The following CCDC91 variants were observed in gnomAD, a reference collection of about 807,000 sequenced individuals.
CCDC91 encodes the protein coiled-coil domain containing 91.
In CCDC91, 48 loss-of-function variants were observed where a neutral mutation model predicts 63.2. The ratio of observed to expected loss-of-function variants is 0.76; its 90% CI spans 0.60 to 0.97. The LOEUF is 0.97. CCDC91 is among the 50% of genes least tolerant of loss of function. CCDC91 has a pLI of 0.00. For missense variants in CCDC91, 500 were observed against 494.6 expected (o/e 1.01, Z -0.10); for synonymous variants, 167 against 165.8 (o/e 1.01, Z -0.06).
At chr12:28,417,203 A>T (rs938889662) in intron 8 of CCDC91, among the ~76,000 whole-genome samples, 1 of 151,632 alleles carries the variant, frequency 6.6e-6, no homozygotes, top group Admixed American at 6.6e-5. Context: ...TTAATTTTTA[A>T]TTTTTTTGCT....
intron 8 of CCDC91, among the ~76,000 whole-genome samples, chr12:28,435,325 G>C (rs1403100732): frequency 6.6e-6 from 1 of 151,318 alleles, no homozygotes; most frequent in African/African-American, 2.4e-5. Context: ...TTTTAGTTCA[G>C]AGTGTTTTTA....
At chr12:28,242,331 C>T (rs797015546) in intron 1 of CCDC91, among the ~76,000 whole-genome samples, 23 of 152,226 alleles carry the variant, frequency 1.5e-4, no homozygotes, top group African/African-American at 5.3e-4. Context: ...TGGCGCTTGC[C>T]TGACTTGTGT....
At chr12:28,534,299 T>A (rs1366555004) in intron 12 of CCDC91, among the ~76,000 whole-genome samples, 1 of 152,214 alleles carries the variant, frequency 6.6e-6, no homozygotes, top group Non-Finnish European at 1.5e-5. Context: ...CACAGTGAAA[T>A]GAAGGAAGGA....
intron 12 of CCDC91, among the ~76,000 whole-genome samples, chr12:28,509,677 A>G (rs1415476146): frequency 6.6e-6 from 1 of 151,940 alleles, no homozygotes; most frequent in African/African-American, 2.4e-5. Flanking sequence ...ACACTGTATT[A>G]AAAGATATGT....
chr12:28,427,645 A>G (rs1182541261), intron 8 of CCDC91, among the ~76,000 whole-genome samples: 1 of 152,138 alleles, frequency 6.6e-6, no homozygotes, highest in Non-Finnish European at 1.5e-5. Context: ...CTGTGGATAA[A>G]CAGATTTTGG....
rs558951313 is a variant in CCDC91, at chr12:28,193,785, T to C, written c.-15+3144T>C. ...AGTGAAAACCCATTTATGTTTTAAT[T>C]TGAATTTTTCTTCTAACATATTGAG... On this transcript the variant is annotated intron_variant, in intron 1 of 12. Coordinates refer to ENST00000536442, the MANE Select transcript of CCDC91 (RefSeq NM_018318.5). Among the ~76,000 whole-genome samples the C allele has an allele frequency of 2.6e-5, 4 of 152,350 alleles. No individual in the cohort carries two copies. The South Asian group carries it at 8.3e-4, about 32-fold the overall frequency.
At chr12:28,371,939 T>C (rs1944649650) in intron 7 of CCDC91, among the ~76,000 whole-genome samples, 2 of 152,214 alleles carry the variant, frequency 1.3e-5, no homozygotes, top group African/African-American at 4.8e-5. Flanking sequence ...TCCTTTAGTA[T>C]TTATTTTCTT....
chr12:28,335,269 A>T lies in CCDC91; in HGVS notation c.577-27169A>T, dbSNP rs866774632. On this transcript the variant is annotated intron_variant, in intron 6 of 12. Coordinates refer to ENST00000536442, the MANE Select transcript of CCDC91 (RefSeq NM_018318.5). ...ATAATATATAATACATATAATATAT[A>T]ATATATAATACATATTATATATAAT... Among the ~76,000 whole-genome samples the T allele has an allele frequency of 2.2e-4, 30 of 137,950 alleles. 1 individual carries two copies. Among genetic ancestry groups the T allele is most frequent in the Middle Eastern group, 3.7e-3 (1 of 268 alleles). 90.5% of individuals were successfully genotyped at this position (137,950 alleles called of 152,430 possible).
intron 6 of CCDC91, among the ~76,000 whole-genome samples, chr12:28,356,439 T>C (rs1191905270): frequency 6.6e-6 from 1 of 152,162 alleles, no homozygotes; most frequent in Non-Finnish European, 1.5e-5. Context: ...TTTTTCAGAT[T>C]TTGGGAGGGG....
At chr12:28,458,809 T>A (rs545988189) in intron 11 of CCDC91, among the ~76,000 whole-genome samples, 1 of 152,140 alleles carries the variant, frequency 6.6e-6, no homozygotes, top group African/African-American at 2.4e-5. Flanking sequence ...AAACCTGTTA[T>A]CTTTGTCTCA....
chr12:28,375,911 G>A (rs1469881883), intron 7 of CCDC91, among the ~76,000 whole-genome samples: 1 of 151,822 alleles, frequency 6.6e-6, no homozygotes, highest in Non-Finnish European at 1.5e-5. Context: ...ATGAGGAACT[G>A]TATTAGCATG....
chr12:28,408,941 C>T (rs761213025), intron 8 of CCDC91, among the ~76,000 whole-genome samples: 126 of 152,244 alleles, frequency 8.3e-4, no homozygotes, highest in African/African-American at 3.0e-3. Flanking sequence ...CCATGCCTGA[C>T]TTTAATCTTA....
Position 28,326,272 on chromosome 12 carries a change from G to A in CCDC91, c.576+18523G>A, listed in dbSNP as rs183262610. 3.0e-3 allele frequency among the ~76,000 whole-genome samples: 449 copies of A among 152,058 alleles called. 2 individuals carry two copies. Among genetic ancestry groups the A allele is most frequent in the African/African-American group, 9.2e-3 (383 of 41,496 alleles). ...GGCTCAAACTACGGTTCGTTTTTGA[G>A]CAAGACTAAATTTTTTGGACCATTT... On this transcript the variant is annotated intron_variant, in intron 6 of 12. Coordinates refer to ENST00000536442, the MANE Select transcript of CCDC91 (RefSeq NM_018318.5).
intron 1 of CCDC91, among the ~76,000 whole-genome samples, chr12:28,248,460 C>G (rs1388320192): frequency 6.6e-6 from 1 of 152,016 alleles, no homozygotes; most frequent in Non-Finnish European, 1.5e-5. Context: ...TAGGTTGGAG[C>G]CCTTTGGAGC....
At chr12:28,191,008 G>A (rs1172043315) in intron 1 of CCDC91, among the ~76,000 whole-genome samples, 2 of 152,236 alleles carry the variant, frequency 1.3e-5, no homozygotes. Flanking sequence ...TACACAGAAC[G>A]CGCCTGGTTT....
At chr12:28,487,767 C>T (rs1391669018) in intron 12 of CCDC91, among the ~76,000 whole-genome samples, 1 of 151,560 alleles carries the variant, frequency 6.6e-6, no homozygotes, top group African/African-American at 2.4e-5. Context: ...ATCTTCTGTT[C>T]TTGAAGTTTT....
chr12:28,290,068 A>AT lies in CCDC91; in HGVS notation c.110-15572dup, dbSNP rs201277560. Among the ~76,000 whole-genome samples, 81 of 149,076 alleles carry AT rather than the reference A, an allele frequency of 5.4e-4. No homozygotes were observed. In the South Asian group the frequency reaches 8.1e-3, roughly 15 times the overall value. ...AGTTTAGGCCCTGAATATCTTAGTT[A>AT]TTTTTTTTTGCTTTGATGCTCTATT... is the stretch of plus-strand genomic sequence containing the variant. On this transcript the variant is annotated intron_variant, in intron 3 of 12. Transcript: ENST00000536442.
intron 8 of CCDC91, among the ~76,000 whole-genome samples, chr12:28,441,532 A>G (rs1310638443): frequency 2.0e-5 from 3 of 151,832 alleles, no homozygotes; most frequent in Non-Finnish European, 4.4e-5. Context: ...ATTTACTGAT[A>G]CATACAACTA....
At chr12:28,404,077 T>C (rs1946788574) in intron 8 of CCDC91, among the ~76,000 whole-genome samples, 1 of 152,056 alleles carries the variant, frequency 6.6e-6, no homozygotes, top group Non-Finnish European at 1.5e-5. Flanking sequence ...TAATTTACTC[T>C]TGTTTACTTA....
Sources: gnomAD v4.1 joint callset for allele counts (sites outside exome capture counted in the v4.1 genomes callset) on GRCh38, gnomAD v4.1.1 for gene constraint, MANE v1.5 for transcripts, NCBI Gene and HGNC (gene_info 2026-07-23, HGNC 2026-07-21) for gene names.